Variants in VPS4B observed in about 807,000 individuals in gnomAD.
The protein encoded by VPS4B is vacuolar protein sorting 4 homolog B.
In VPS4B, 23 loss-of-function variants were observed where a neutral mutation model predicts 56.1. The ratio of observed to expected loss-of-function variants is 0.41; its 90% CI spans 0.30 to 0.58. The LOEUF (loss-of-function observed/expected upper bound fraction) is 0.58, where lower values mean the gene tolerates loss of function less well. Among genes scored for constraint, VPS4B ranks in the 20% least tolerant of loss-of-function variants. The probability of loss-of-function intolerance (pLI) is 0.29; values close to 1 mark genes in which losing one functional copy is unlikely to be tolerated. For missense variants in VPS4B, 372 were observed against 531.9 expected (o/e 0.70, Z 2.96); for synonymous variants, 177 against 186.0 (o/e 0.95, Z 0.39).
At chr18:63,401,185 T>C (rs1360627107) in intron 5 of VPS4B, among the ~76,000 whole-genome samples, 1 of 152,246 alleles carries the variant, frequency 6.6e-6, no homozygotes, top group East Asian at 1.9e-4. Flanking sequence ...TTTGGATGAC[T>C]TGTGAGTTTC....
chr18:63,407,490 A>G lies in VPS4B; in HGVS notation c.306T>C (p.Ser102=), dbSNP rs533465940. The change falls in exon 4 of 11, where the codon AGT becomes AGC. Residue 102 remains serine (S), a synonymous_variant. Coordinates refer to ENST00000238497, the MANE Select transcript of VPS4B (RefSeq NM_004869.4). The part of the protein sequence containing the change: ...PSPADEKGND[S]DGEGESDDPE... ...GATCATCAGATTCTCCTTCCCCATCACTGTCATTCCTAATAAAAAGAATTT... is the reference window on the plus strand; with the variant it reads ...GATCATCAGATTCTCCTTCCCCATCGCTGTCATTCCTAATAAAAAGAATTT... The G allele has an allele frequency of 1.2e-6, 2 of 1,607,208 alleles. No homozygotes were observed. The highest frequency in any genetic ancestry group is 1.7e-5 in the Admixed American group (1 of 58,938).
At chr18:63,419,710 T>C (rs1568092843) in intron 1 of VPS4B, among the ~76,000 whole-genome samples, 1 of 152,246 alleles carries the variant, frequency 6.6e-6, no homozygotes, top group Non-Finnish European at 1.5e-5. Flanking sequence ...CTGAAGTGAA[T>C]GACACAGGCA....
chr18:63,397,980 G>A (rs34439546), intron 8 of VPS4B, among the ~76,000 whole-genome samples: 5,003 of 152,060 alleles, frequency 0.033, 93 homozygotes, highest in African/African-American at 0.042. Context: ...GAATGCTGGC[G>A]CAAATCATCA....
intron 6 of VPS4B, 57 bp from the exon 7 acceptor site, chr18:63,400,253 G>C: frequency 6.7e-7 from 1 of 1,491,522 alleles, no homozygotes; most frequent in South Asian, 1.3e-5. Context: ...TTAAAACAAA[G>C]TAATATATCA....
intron 2 of VPS4B, 24 bp from the exon 3 acceptor site, chr18:63,410,470 T>C (rs374731203): frequency 1.5e-5 from 24 of 1,604,924 alleles, no homozygotes; most frequent in African/African-American, 8.1e-5. Context: ...ATGAGAGAGA[T>C]TTTTTTCCAT....
chr18:63,407,235 A>G lies in VPS4B; in HGVS notation c.364+197T>C, dbSNP rs543282206. On this transcript the variant is annotated intron_variant, in intron 4 of 10. Coordinates refer to ENST00000238497, the MANE Select transcript of VPS4B (RefSeq NM_004869.4). ...TGAAGCCAACAAAACTATTACATAAAAAAGACCAAACCATGATCCTAGAGG... is the reference window on the plus strand; with the variant it reads ...TGAAGCCAACAAAACTATTACATAAGAAAGACCAAACCATGATCCTAGAGG... The G allele has an allele frequency of 2.3e-4, 124 of 537,936 alleles. 1 individual carries two copies. The highest frequency in any genetic ancestry group is 3.6e-4 in the Non-Finnish European group (111 of 307,784). The allele number at this position is 537,936 out of a possible 1,614,324, so 33.3% of individuals were successfully genotyped here.
At chr18:63,420,041 T>A (rs1291796549) in intron 1 of VPS4B, among the ~76,000 whole-genome samples, 1 of 152,194 alleles carries the variant, frequency 6.6e-6, no homozygotes, top group Non-Finnish European at 1.5e-5. Context: ...AACCTACCAC[T>A]AACAAAATTA....
At chr18:63,419,161 G>C (rs1916234497) in intron 1 of VPS4B, among the ~76,000 whole-genome samples, 1 of 152,132 alleles carries the variant, frequency 6.6e-6, no homozygotes, top group African/African-American at 2.4e-5. Context: ...AGTGGCTCAC[G>C]CCTGTAATTC....
intron 7 of VPS4B, 133 bp from the exon 8 acceptor site, chr18:63,399,456 G>T (rs1200858111): frequency 2.8e-5 from 20 of 719,620 alleles, no homozygotes; most frequent in Non-Finnish European, 3.9e-5. Context: ...CTTTGGAAAA[G>T]AACTGTATTT....
intron 4 of VPS4B, among the ~76,000 whole-genome samples, chr18:63,405,061 A>G (rs1915887067): frequency 6.6e-6 from 1 of 152,194 alleles, no homozygotes; most frequent in Admixed American, 6.5e-5. Context: ...GATTTCTGCT[A>G]TAAATTTTAA....
At chr18:63,392,460 G>T (rs2144408738) in intron 10 of VPS4B, among the ~76,000 whole-genome samples, 1 of 152,064 alleles carries the variant, frequency 6.6e-6, no homozygotes, top group Non-Finnish European at 1.5e-5. Flanking sequence ...TGTTGTTGTT[G>T]TTTTTTGAGA....
intron 1 of VPS4B, among the ~76,000 whole-genome samples, chr18:63,419,964 C>T (rs1916257596): frequency 6.6e-6 from 1 of 152,212 alleles, no homozygotes; most frequent in African/African-American, 2.4e-5. Context: ...TTAATCACTA[C>T]ATGAATATTA....
At chr18:63,418,971 C>T (rs901116449) in intron 1 of VPS4B, among the ~76,000 whole-genome samples, 4 of 152,174 alleles carry the variant, frequency 2.6e-5, no homozygotes, top group Non-Finnish European at 2.9e-5. Context: ...ATCTCAAACT[C>T]GACAAGTTTA....
intron 1 of VPS4B, among the ~76,000 whole-genome samples, chr18:63,416,678 G>C (rs2144439345): frequency 6.6e-6 from 1 of 152,208 alleles, no homozygotes; most frequent in African/African-American, 2.4e-5. Flanking sequence ...TGATGCTAGA[G>C]CTGATCTACA....
rs758948160 is a variant in VPS4B at position 63,390,936 on chromosome 18, G to GA, written c.*38dup. On this transcript the variant is annotated 3_prime_UTR_variant, in exon 11 of 11. Transcript: ENST00000238497. ...CAAATAGACAAAAATATCTATGAAA[G>GA]AAAGAATACATATGGTAAGCATCTT... is the stretch of plus-strand genomic sequence containing the variant. 16 of 1,388,920 alleles carry GA rather than the reference G, an allele frequency of 1.2e-5. No individual in the cohort carries two copies. The highest frequency in any genetic ancestry group is 9.2e-5 in the Admixed American group (5 of 54,446). The allele number at this position is 1,388,920 out of a possible 1,614,324, so 86.0% of individuals were successfully genotyped here.
chr18:63,392,638 T>C lies in VPS4B; in HGVS notation c.1233+771A>G, dbSNP rs571954523. Among the ~76,000 whole-genome samples the C allele has an allele frequency of 4.6e-5, 7 of 152,174 alleles. 1 individual carries two copies. The South Asian group carries it at 1.5e-3, about 32-fold the overall frequency. ...TAACTTTTTGTATTTTTAGTAGAGA[T>C]GGGGTTTCACCGTGTTGGCCAGGAT... On this transcript the variant is annotated intron_variant, in intron 10 of 10. Coordinates refer to ENST00000238497, the MANE Select transcript of VPS4B (RefSeq NM_004869.4).
intron 2 of VPS4B, among the ~76,000 whole-genome samples, chr18:63,411,085 A>G (rs1290019832): frequency 6.6e-6 from 1 of 152,206 alleles, no homozygotes; most frequent in Non-Finnish European, 1.5e-5. Context: ...AACATCTTCA[A>G]TCATCTAACT....
intron 5 of VPS4B, among the ~76,000 whole-genome samples, chr18:63,402,957 CTG>C (rs1388027022): frequency 6.6e-6 from 1 of 152,138 alleles, no homozygotes; most frequent in Non-Finnish European, 1.5e-5. Context: ...GACTGTCAGA[CTG>C]TGGGTGTGGC....
At chr18:63,398,204 C>CACACACATATATATATATATATATAT (rs1298374245) in intron 8 of VPS4B, among the ~76,000 whole-genome samples, 18 of 112,474 alleles carry the variant, frequency 1.6e-4, no homozygotes, top group African/African-American at 5.5e-4. Context: ...CACACACACA[C>CACACACATATATATATATATATATAT]ATATATATAT....
Sources: allele counts gnomAD v4.1 joint callset (sites outside exome capture counted in the v4.1 genomes callset), GRCh38; gene constraint gnomAD v4.1.1; transcripts MANE v1.5; gene names NCBI Gene and HGNC (gene_info 2026-07-23, HGNC 2026-07-21).